Variants in NUP107 observed in about 807,000 individuals in gnomAD.
NUP107 encodes nucleoporin 107.
Under a neutral mutation model 141.0 loss-of-function variants are expected in NUP107, and 101 were observed. That is an observed-to-expected ratio of 0.72 (90% CI 0.61 to 0.84). NUP107 has a LOEUF of 0.84. Ranked by LOEUF, NUP107 falls within the 40% of genes least tolerant of loss-of-function variation. NUP107 has a pLI of 0.00. For synonymous variants in NUP107, 319 were observed against 363.9 expected, an observed-to-expected ratio of 0.88 and a Z score of 1.41; for missense variants, 941 against 1,102.7, an observed-to-expected ratio of 0.85 and a Z score of 2.08.
chr12:68,742,524 T>C lies in NUP107; in HGVS notation c.*62T>C. The C allele has an allele frequency of 1.2e-6, 1 of 859,174 alleles. No individual in the cohort carries two copies. Among genetic ancestry groups the C allele is most frequent in the Non-Finnish European group, 1.8e-6 (1 of 558,644 alleles). 53.2% of individuals were successfully genotyped at this position (859,174 alleles called of 1,614,324 possible). ...TGAAGTTTTTAATAAAATATACTTG[T>C]TATTAGTAATTTTTTCTTTTGCATT... On this transcript the variant is annotated 3_prime_UTR_variant, in exon 28 of 28. Coordinates refer to ENST00000229179, the MANE Select transcript of NUP107 (RefSeq NM_020401.4).
intron 26 of NUP107, among the ~76,000 whole-genome samples, chr12:68,737,303 G>A (rs370428343): frequency 1.3e-5 from 2 of 152,210 alleles, no homozygotes; most frequent in Admixed American, 1.3e-4. Flanking sequence ...GGTGGCTCAC[G>A]CCTGTACTCC....
In NUP107 at chr12:68,692,132, T is replaced by C. The variant is rs376850227; in HGVS notation, c.448+20T>C. 3.9e-6 allele frequency: 6 copies of C among 1,555,674 alleles called. No individual in the cohort carries two copies. The highest frequency in any genetic ancestry group is 5.2e-6 in the Non-Finnish European group (6 of 1,153,744). ...AAGCTGGTAAAATGGCATTGAGCTT[T>C]GTGACAAGTAGCTTTTCACTTTAGC... On this transcript the variant is annotated intron_variant, in intron 5 of 27. Coordinates refer to ENST00000229179, the MANE Select transcript of NUP107 (RefSeq NM_020401.4).
Position 68,743,472 on chromosome 12 carries a change from G to A in NUP107, c.*1010G>A, listed in dbSNP as rs1027706672. On this transcript the variant is annotated 3_prime_UTR_variant, in exon 28 of 28. Coordinates refer to ENST00000229179, the MANE Select transcript of NUP107 (RefSeq NM_020401.4). ...CTCCAGCTGAAAAGACTCTCAGGAA[G>A]TAGTATTGGTTTGGGGTTTGAGTAA... is the stretch of plus-strand genomic sequence containing the variant. 1.3e-5 allele frequency: 2 copies of A among 152,264 alleles called. No homozygotes were observed. The highest frequency in any genetic ancestry group is 4.8e-5 in the African/African-American group (2 of 41,468). 9.4% of individuals were successfully genotyped at this position (152,264 alleles called of 1,614,324 possible).
At chr12:68,695,614 G>C (rs966660700) in intron 5 of NUP107, among the ~76,000 whole-genome samples, 1 of 152,208 alleles carries the variant, frequency 6.6e-6, no homozygotes, top group Admixed American at 6.5e-5. Context: ...AGGGGCTGGG[G>C]TAAGTGGAGA....
At position 68,700,851 on chromosome 12, in the gene NUP107, T is replaced by C. The variant is rs747417814; in HGVS notation, c.678T>C (p.Tyr226=). ...MVTWRLLASL[Y]RDRIQSALEE... is the part of the protein sequence containing the mutation. ...CATGGAGGCTGCTGGCTTCTTTGTATAGGTAATGGCGTCTAGAATTCATAA... is the reference window on the plus strand; with the variant it reads ...CATGGAGGCTGCTGGCTTCTTTGTACAGGTAATGGCGTCTAGAATTCATAA... The change falls in exon 7 of 28, where the codon TAT becomes TAC. Residue 226 remains tyrosine, a splice_region_variant and synonymous_variant. Transcript: ENST00000229179. 6.3e-7 allele frequency: 1 copy of C among 1,585,194 alleles called. No homozygotes were observed. Among genetic ancestry groups the C allele is most frequent in the Non-Finnish European group, 8.5e-7 (1 of 1,172,062 alleles).
chr12:68,702,691 T>G (rs768295600), intron 7 of NUP107, 45 bp from the exon 8 acceptor site: 1 of 1,357,350 alleles, frequency 7.4e-7, no homozygotes, highest in East Asian at 2.5e-5. Flanking sequence ...GTTCATTATA[T>G]TCGTGTGAAA....
intron 1 of NUP107, chr12:68,687,624 C>A: frequency 1.0e-6 from 1 of 985,816 alleles, no homozygotes; most frequent in Non-Finnish European, 1.2e-6. Flanking sequence ...GTCTCCTTGT[C>A]ACTGTAACTA....
At chr12:68,738,612 C>A (rs749650164) in intron 26 of NUP107, among the ~76,000 whole-genome samples, 38 of 152,178 alleles carry the variant, frequency 2.5e-4, no homozygotes, top group Non-Finnish European at 2.6e-4. Context: ...ATAGCCCTAG[C>A]ATTATGTGCT....
chr12:68,687,255 G>A lies in NUP107; in HGVS notation c.8+182G>A, dbSNP rs1475826696. On this transcript the variant is annotated intron_variant, in intron 1 of 27. Coordinates refer to ENST00000229179, the MANE Select transcript of NUP107 (RefSeq NM_020401.4). ...GGGAAAAAGCCGCTTGGCGTGCGTC[G>A]GGGTGGGGTACAGATCATAATAGTC... The A allele has an allele frequency of 5.8e-6, 5 of 863,168 alleles. No homozygotes were observed. The East Asian group carries it at 7.9e-5, about 14-fold the overall frequency. The allele number at this position is 863,168 out of a possible 1,614,324, so 53.5% of individuals were successfully genotyped here.
chr12:68,696,470 T>G (rs570279966), intron 5 of NUP107, among the ~76,000 whole-genome samples: 4 of 152,256 alleles, frequency 2.6e-5, no homozygotes, highest in Admixed American at 2.0e-4. Context: ...GCCAGCACTT[T>G]GGGAGGCTGA....
intron 6 of NUP107, among the ~76,000 whole-genome samples, chr12:68,698,234 T>C (rs1429998835): frequency 6.6e-6 from 1 of 151,920 alleles, no homozygotes; most frequent in Admixed American, 6.6e-5. Context: ...CTGGGCAGCA[T>C]AGCAAAACCC....
intron 14 of NUP107, 138 bp downstream of exon 14, chr12:68,719,792 C>A: frequency 1.5e-6 from 1 of 653,882 alleles, no homozygotes; most frequent in East Asian, 2.7e-5. Context: ...ATAGGCTTAA[C>A]TACTTATCAG....
At chr12:68,709,838 G>A (rs111633275) in intron 9 of NUP107, among the ~76,000 whole-genome samples, 167 bp from the exon 10 acceptor site, 6 of 151,544 alleles carry the variant, frequency 4.0e-5, no homozygotes, top group African/African-American at 1.2e-4. Flanking sequence ...GCAGTGAGCC[G>A]AGATTATGCC....
Position 68,726,593 on chromosome 12 carries a change from CCGTA to C in NUP107, c.1673_1676del (p.Arg558LeufsTer15), listed in dbSNP as rs748160966. 1 of 1,612,834 alleles carries C rather than the reference CCGTA, an allele frequency of 6.2e-7. No homozygotes were observed. ...TTATGACTCACCTTATTTTGTTTTTCCGTACTCTGGGACTACAGACCAAGGTATA... is the reference window on the plus strand; with the variant it reads ...TTATGACTCACCTTATTTTGTTTTTCCTCTGGGACTACAGACCAAGGTATA... On this transcript the variant is annotated frameshift_variant, in exon 19 of 28. Transcript: ENST00000229179. LOFTEE classifies it high-confidence loss of function.
chr12:68,707,194 T>TG (rs1294593360), intron 8 of NUP107: 4 of 423,608 alleles, frequency 9.4e-6, no homozygotes, highest in Non-Finnish European at 8.3e-6. Flanking sequence ...TGCCCACCCG[T>TG]GGGGGGAGTT....
intron 5 of NUP107, among the ~76,000 whole-genome samples, chr12:68,695,158 T>C (rs987243853): frequency 2.0e-5 from 3 of 152,236 alleles, no homozygotes; most frequent in Non-Finnish European, 4.4e-5. Flanking sequence ...CAAATCCTTG[T>C]GCACTATTGG....
intron 17 of NUP107, among the ~76,000 whole-genome samples, chr12:68,725,305 CAGAAGAGAATACTCAA>C (rs1877513269): frequency 6.6e-6 from 1 of 151,718 alleles, no homozygotes; most frequent in African/African-American, 2.4e-5. Flanking sequence ...GTGCCATGTA[CAGAAGAGAATACTCAA>C]AGAATGCTTT....
intron 5 of NUP107, among the ~76,000 whole-genome samples, chr12:68,692,687 A>G (rs558910828): frequency 6.6e-6 from 1 of 151,870 alleles, no homozygotes; most frequent in Admixed American, 6.5e-5. Flanking sequence ...GGCTTAAGCA[A>G]TTCTGCAGCC....
chr12:68,742,399 A>C lies in NUP107; in HGVS notation c.2715A>C (p.Arg905Ser). 6.2e-7 allele frequency: 1 copy of C among 1,612,276 alleles called. No individual in the cohort carries two copies. The highest frequency in any genetic ancestry group is 8.5e-7 in the Non-Finnish European group (1 of 1,178,812). The change falls in exon 28 of 28, where the codon AGA becomes AGC. Residue 905 changes from arginine (R) to serine (S), a missense_variant. Coordinates refer to ENST00000229179, the MANE Select transcript of NUP107 (RefSeq NM_020401.4). ...EELRKLLQKL[R>S]ESSLMLLDQG... is the part of the protein sequence containing the mutation. ...TAAGGAAGTTGCTGCAGAAGCTCAG[A>C]GAGTCCTCTCTAATGCTCCTAGACC...
Sources: gnomAD v4.1 joint callset for allele counts (sites outside exome capture counted in the v4.1 genomes callset) on GRCh38, gnomAD v4.1.1 for gene constraint, MANE v1.5 for transcripts, NCBI Gene and HGNC (gene_info 2026-07-23, HGNC 2026-07-21) for gene names.